Variants in PTPRM observed in about 807,000 individuals in gnomAD.
PTPRM encodes the protein receptor-type tyrosine-protein phosphatase mu.
Under a neutral mutation model 186.7 loss-of-function variants are expected in PTPRM, and 47 were observed. That is an observed-to-expected ratio of 0.25 (90% CI 0.20 to 0.32). PTPRM has a LOEUF of 0.32. PTPRM is among the 10% of genes least tolerant of loss of function. The pLI, the probability that PTPRM is intolerant of heterozygous loss-of-function variation, is 1.00. For missense variants in PTPRM, 1,494 were observed against 1,865.0 expected, an observed-to-expected ratio of 0.80 and a Z score of 3.66; for synonymous variants, 668 against 674.9, an observed-to-expected ratio of 0.99 and a Z score of 0.16.
chr18:8,357,719 T>C (rs1016140451), intron 23 of PTPRM, among the ~76,000 whole-genome samples: 1 of 152,232 alleles, frequency 6.6e-6, no homozygotes, highest in African/African-American at 2.4e-5. Flanking sequence ...TCGTTTCACA[T>C]CCGTCAATTC....
intron 23 of PTPRM, among the ~76,000 whole-genome samples, chr18:8,370,624 A>G (rs1479973882): frequency 6.6e-6 from 1 of 152,238 alleles, no homozygotes; most frequent in Non-Finnish European, 1.5e-5. Context: ...ATGAATGGTT[A>G]CAGTAACTGG....
chr18:7,964,387 C>G (rs940128384), intron 7 of PTPRM, among the ~76,000 whole-genome samples: 5 of 152,184 alleles, frequency 3.3e-5, no homozygotes, highest in Admixed American at 6.5e-5. Context: ...TAAAAACTCT[C>G]AACAAACGAG....
At chr18:7,629,717 T>C (rs2038146741) in intron 1 of PTPRM, among the ~76,000 whole-genome samples, 1 of 151,924 alleles carries the variant, frequency 6.6e-6, no homozygotes, top group Non-Finnish European at 1.5e-5. Flanking sequence ...ACTGAAACCA[T>C]TTTAGCCTAG....
intron 1 of PTPRM, among the ~76,000 whole-genome samples, chr18:7,622,506 C>T (rs145148026): frequency 9.4e-4 from 143 of 152,132 alleles, no homozygotes; most frequent in African/African-American, 3.2e-3. Flanking sequence ...TAACAGGGCT[C>T]TTGTCTGTAT....
chr18:8,326,027 G>A (rs1464207407), intron 22 of PTPRM, among the ~76,000 whole-genome samples: 1 of 152,022 alleles, frequency 6.6e-6, no homozygotes, highest in Non-Finnish European at 1.5e-5. Context: ...GGGTTATTTG[G>A]CTTTTGCTTG....
chr18:7,999,791 C>A (rs1285008142), intron 7 of PTPRM, among the ~76,000 whole-genome samples: 1 of 151,898 alleles, frequency 6.6e-6, no homozygotes, highest in Non-Finnish European at 1.5e-5. Flanking sequence ...AGAAACAGAA[C>A]CAATATGATA....
chr18:7,743,032 G>C (rs1048690949), intron 1 of PTPRM, among the ~76,000 whole-genome samples: 2 of 152,176 alleles, frequency 1.3e-5, no homozygotes, highest in African/African-American at 4.8e-5. Flanking sequence ...ATGAGAAAGA[G>C]GGGCCAAACA....
At chr18:7,870,550 C>G (rs1276975349) in intron 2 of PTPRM, among the ~76,000 whole-genome samples, 3 of 152,138 alleles carry the variant, frequency 2.0e-5, no homozygotes, top group Non-Finnish European at 2.9e-5. Flanking sequence ...GGTATATGTA[C>G]TCTCTAGTAC....
chr18:8,057,425 C>CTTTTTTTTTTTTTTTTTT (rs763829289), intron 7 of PTPRM, among the ~76,000 whole-genome samples: 2 of 102,552 alleles, frequency 2.0e-5, no homozygotes, highest in Non-Finnish European at 3.8e-5. Context: ...TGTGATACTT[C>CTTTTTTTTTTTTTTTTTT]TTTTTTTTTT....
chr18:8,278,508 T>C (rs1286656114), intron 19 of PTPRM, among the ~76,000 whole-genome samples: 1 of 152,182 alleles, frequency 6.6e-6, no homozygotes, highest in Non-Finnish European at 1.5e-5. Context: ...TCACTTCTGA[T>C]TGAGGGATTG....
At chr18:7,849,090 C>T (rs950015523) in intron 2 of PTPRM, among the ~76,000 whole-genome samples, 7 of 152,114 alleles carry the variant, frequency 4.6e-5, no homozygotes, top group South Asian at 2.1e-4. Context: ...GCATCTGCCT[C>T]GTTAATTTTT....
chr18:8,265,399 A>G (rs1421266252), intron 19 of PTPRM, among the ~76,000 whole-genome samples: 1 of 152,212 alleles, frequency 6.6e-6, no homozygotes, highest in African/African-American at 2.4e-5. Context: ...CGTAGATTCC[A>G]TGTGCTGCTC....
chr18:8,153,479 T>C (rs768030129), intron 14 of PTPRM, among the ~76,000 whole-genome samples: 7 of 152,234 alleles, frequency 4.6e-5, no homozygotes, highest in Non-Finnish European at 1.0e-4. Flanking sequence ...ATTTACTAGA[T>C]AATAATCTTA....
chr18:8,231,549 A>G (rs1049753453), intron 14 of PTPRM, among the ~76,000 whole-genome samples: 1 of 152,140 alleles, frequency 6.6e-6, no homozygotes, highest in African/African-American at 2.4e-5. Context: ...AAACATAATA[A>G]CTTGCCAAGA....
chr18:7,773,247 G>C lies in PTPRM; in HGVS notation c.74-902G>C, dbSNP rs987915418. ...AATTTATCATCTCTTTTGATTTTGA[G>C]ACCTCATATCTCCAAAGTATTAAAG... is the stretch of plus-strand genomic sequence containing the variant. On this transcript the variant is annotated intron_variant, in intron 1 of 32. Transcript: ENST00000580170. Among the ~76,000 whole-genome samples the C allele has an allele frequency of 1.7e-4, 26 of 152,054 alleles. 1 individual carries two copies. Among genetic ancestry groups the C allele is most frequent in the South Asian group, 1.7e-3 (8 of 4,824 alleles).
At chr18:7,788,810 A>C (rs28674940) in intron 2 of PTPRM, among the ~76,000 whole-genome samples, 2,416 of 152,262 alleles carry the variant, frequency 0.016, 43 homozygotes, top group African/African-American at 0.049. Flanking sequence ...ATAGACAAAC[A>C]TTTTCTGAGC....
At chr18:7,600,310 A>G (rs2037368628) in intron 1 of PTPRM, among the ~76,000 whole-genome samples, 1 of 152,192 alleles carries the variant, frequency 6.6e-6, no homozygotes, top group Non-Finnish European at 1.5e-5. Flanking sequence ...AAGGCCAGCC[A>G]TTGCCATCAT....
rs151165317 is a variant in PTPRM, at chr18:7,943,329, C to G, written c.664-5852C>G. ...TGGTCTGGCCTCTGCTCATTTCATTCATCTTATGGGGTGCCTCCATGGTTG... is the reference window on the plus strand; with the variant it reads ...TGGTCTGGCCTCTGCTCATTTCATTGATCTTATGGGGTGCCTCCATGGTTG... On this transcript the variant is annotated intron_variant, in intron 5 of 32. Coordinates refer to ENST00000580170, the MANE Select transcript of PTPRM (RefSeq NM_001105244.2). 4.0e-4 allele frequency among the ~76,000 whole-genome samples: 61 copies of G among 152,248 alleles called. 2 individuals carry two copies. The highest frequency in any genetic ancestry group is 1.4e-3 in the African/African-American group (59 of 41,556).
At chr18:7,972,493 AAGG>A (rs2054613591) in intron 7 of PTPRM, among the ~76,000 whole-genome samples, 1 of 140,940 alleles carries the variant, frequency 7.1e-6, no homozygotes, top group Admixed American at 7.0e-5. Flanking sequence ...AAAAAAAAAA[AAGG>A]AGAGAAACAT....
Sources: allele counts gnomAD v4.1 joint callset (sites outside exome capture counted in the v4.1 genomes callset), GRCh38; gene constraint gnomAD v4.1.1; transcripts MANE v1.5; gene names NCBI Gene and HGNC (gene_info 2026-07-23, HGNC 2026-07-21).